The following DAB1 variants were observed in gnomAD, a reference collection of about 807,000 sequenced individuals.
The protein encoded by DAB1 is DAB adaptor protein 1.
Under a neutral mutation model 64.6 loss-of-function variants are expected in DAB1, and 15 were observed. That is an observed-to-expected ratio of 0.23 (90% confidence interval 0.16 to 0.36). DAB1 has a LOEUF of 0.36. DAB1 is among the 10% of genes least tolerant of loss of function. The pLI is 1.00. For missense variants in DAB1, 596 were observed against 706.7 expected, an observed-to-expected ratio of 0.84 and a Z score of 1.78; for synonymous variants, 235 against 251.9, an observed-to-expected ratio of 0.93 and a Z score of 0.64.
intron 9 of DAB1, among the ~76,000 whole-genome samples, chr1:57,031,829 C>G (rs1358192388): frequency 6.6e-6 from 1 of 152,206 alleles, no homozygotes; most frequent in Admixed American, 6.5e-5. Context: ...CCTTCCATTA[C>G]TGGCATTTCA....
intron 1 of DAB1, among the ~76,000 whole-genome samples, chr1:57,297,319 T>G (rs924326709): frequency 4.6e-5 from 7 of 152,164 alleles, no homozygotes; most frequent in Middle Eastern, 3.2e-3. Flanking sequence ...ATATGAATGG[T>G]AAGTTAGGTA....
chr1:57,810,063 C>T (rs1432132749), intron 6 of DAB1, among the ~76,000 whole-genome samples: 1 of 152,162 alleles, frequency 6.6e-6, no homozygotes, highest in Admixed American at 6.5e-5. Flanking sequence ...TGATGAGTTT[C>T]CAACTCAGTT....
At chr1:57,943,677 T>A (rs1462300255) in intron 5 of DAB1, among the ~76,000 whole-genome samples, 2 of 152,194 alleles carry the variant, frequency 1.3e-5, no homozygotes, top group African/African-American at 4.8e-5. Flanking sequence ...TCATCCAGAA[T>A]GGCCATAAAT....
chr1:57,789,579 G>T (rs1203140587), intron 6 of DAB1, among the ~76,000 whole-genome samples: 1 of 152,174 alleles, frequency 6.6e-6, no homozygotes, highest in African/African-American at 2.4e-5. Context: ...GAAAAGGCAA[G>T]CAGGCTGTCT....
chr1:58,405,216 T>A (rs939799149), intron 3 of DAB1, among the ~76,000 whole-genome samples: 1 of 152,180 alleles, frequency 6.6e-6, no homozygotes, highest in Admixed American at 6.5e-5. Context: ...ATTCTTCTCA[T>A]AGCTGGTTCC....
intron 7 of DAB1, among the ~76,000 whole-genome samples, chr1:57,591,142 C>A (rs369419805): frequency 1.3e-5 from 2 of 152,334 alleles, no homozygotes; most frequent in African/African-American, 4.8e-5. Context: ...AAGGGCCGCA[C>A]TGCCTAGTAC....
chr1:57,707,986 T>A (rs929369698), intron 6 of DAB1, among the ~76,000 whole-genome samples: 2 of 152,058 alleles, frequency 1.3e-5, no homozygotes, highest in African/African-American at 4.8e-5. Context: ...TCTCTCTCCA[T>A]GTGGGCTGCC....
chr1:57,415,491 G>A (rs903514746), intron 1 of DAB1, among the ~76,000 whole-genome samples: 2 of 152,118 alleles, frequency 1.3e-5, no homozygotes, highest in African/African-American at 4.8e-5. Flanking sequence ...GCAGAAGGTT[G>A]GCAAAAATCC....
chr1:57,934,063 T>TTGTGGGTGTGTG (rs1644990245), intron 5 of DAB1, among the ~76,000 whole-genome samples: 1 of 128,052 alleles, frequency 7.8e-6, no homozygotes, highest in Non-Finnish European at 1.6e-5. Context: ...GCCCAGCTAA[T>TTGTGGGTGTGTG]TGTGTGTGTG....
intron 6 of DAB1, among the ~76,000 whole-genome samples, chr1:57,797,432 G>A (rs142415991): frequency 5.3e-5 from 8 of 151,628 alleles, no homozygotes; most frequent in Admixed American, 2.0e-4. Context: ...AATACTTCCC[G>A]TCTTTCTCTT....
chr1:57,411,903 T>C (rs1684143672), intron 1 of DAB1, among the ~76,000 whole-genome samples: 1 of 152,236 alleles, frequency 6.6e-6, no homozygotes, highest in Admixed American at 6.5e-5. Flanking sequence ...CTTCGCCTTA[T>C]TGCACTTCAC....
rs76077634 is a variant in DAB1 at position 58,139,405 on chromosome 1, T to C, written n.387+11106A>G. On this transcript the variant is annotated intron_variant and non_coding_transcript_variant, in intron 5 of 20. Transcript: ENST00000485760. ...AAGGCAGGGGAGGTCTCAGGAAAAT[T>C]ACGATCATGGCAAAAGGAGAAGCAA... Among the ~76,000 whole-genome samples, 1,090 of 152,190 alleles carry C rather than the reference T, an allele frequency of 7.2e-3. 13 individuals carry two copies. The highest frequency in any genetic ancestry group is 0.025 in the African/African-American group (1,055 of 41,522).
intron 2 of DAB1, among the ~76,000 whole-genome samples, chr1:57,181,954 C>T (rs1446962533): frequency 6.6e-6 from 1 of 152,196 alleles, no homozygotes; most frequent in African/African-American, 2.4e-5. Context: ...GGTGCCATCT[C>T]GGCTTACTGC....
At chr1:58,462,113 CTTTTTTT>C (rs1168740907) in intron 3 of DAB1, among the ~76,000 whole-genome samples, 2 of 54,264 alleles carry the variant, frequency 3.7e-5, no homozygotes, top group Admixed American at 1.9e-4. Flanking sequence ...GAGAAGGTTT[CTTTTTTT>C]TTTTTTTTTT....
chr1:58,069,903 T>A (rs1365805660), intron 5 of DAB1, among the ~76,000 whole-genome samples: 1 of 152,172 alleles, frequency 6.6e-6, no homozygotes, highest in African/African-American at 2.4e-5. Context: ...CTGCCAAATA[T>A]TCACCTATAA....
At chr1:58,059,194 C>T (rs919469946) in intron 5 of DAB1, among the ~76,000 whole-genome samples, 1 of 152,206 alleles carries the variant, frequency 6.6e-6, no homozygotes, top group Admixed American at 6.5e-5. Context: ...TGCCATTACA[C>T]CTTCCTTGGA....
chr1:58,361,124 A>G (rs1461721553), intron 3 of DAB1, among the ~76,000 whole-genome samples: 1 of 152,234 alleles, frequency 6.6e-6, no homozygotes, highest in Non-Finnish European at 1.5e-5. Flanking sequence ...CCTGGTGTGT[A>G]CCACGATTGC....
rs369715875 is a variant in DAB1, at chr1:56,998,877, A to G, written c.*16-749T>C. On this transcript the variant is annotated intron_variant, in intron 14 of 14. Coordinates refer to ENST00000371236, the MANE Select transcript of DAB1 (RefSeq NM_001365792.1). ...TGCAATCCACACCTAGATAGGAAACAGCGTTCGGCCCTATTTAAACCCCGT... is the reference window on the plus strand; with the variant it reads ...TGCAATCCACACCTAGATAGGAAACGGCGTTCGGCCCTATTTAAACCCCGT... 2.6e-4 allele frequency among the ~76,000 whole-genome samples: 39 copies of G among 152,298 alleles called. No individual in the cohort carries two copies. The East Asian group carries it at 5.2e-3, about 20-fold the overall frequency.
At chr1:57,609,419 C>A (rs1645699226) in intron 7 of DAB1, among the ~76,000 whole-genome samples, 1 of 152,098 alleles carries the variant, frequency 6.6e-6, no homozygotes, top group African/African-American at 2.4e-5. Flanking sequence ...ATGTTATATG[C>A]AAATATTATA....
Sources: gnomAD v4.1 joint callset for allele counts (sites outside exome capture counted in the v4.1 genomes callset) on GRCh38, gnomAD v4.1.1 for gene constraint, MANE v1.5 for transcripts, NCBI Gene and HGNC (gene_info 2026-07-23, HGNC 2026-07-21) for gene names.